CTNND2: variants seen among roughly 807,000 people sequenced by gnomAD.
The protein encoded by CTNND2 is catenin delta-2.
CTNND2 carries 22 observed loss-of-function variants against 144.4 expected under a neutral mutation model. The ratio of observed to expected loss-of-function variants is 0.15; its 90% CI spans 0.11 to 0.22. The LOEUF is 0.22. Among genes scored for constraint, CTNND2 ranks in the 10% least tolerant of loss-of-function variants. CTNND2 has a pLI of 1.00. For missense variants in CTNND2, 1,353 were observed against 1,618.8 expected, an observed-to-expected ratio of 0.84 and a Z score of 2.82; for synonymous variants, 751 against 695.6, an observed-to-expected ratio of 1.08 and a Z score of -1.25.
intron 12 of CTNND2, among the ~76,000 whole-genome samples, chr5:11,157,958 G>A (rs936664593): frequency 2.9e-4 from 44 of 152,098 alleles, no homozygotes; most frequent in African/African-American, 9.9e-4. Context: ...AAGGGGACCC[G>A]TGAGCCTACA....
intron 12 of CTNND2, among the ~76,000 whole-genome samples, chr5:11,139,388 G>T (rs1279418509): frequency 6.6e-6 from 1 of 152,172 alleles, no homozygotes; most frequent in Non-Finnish European, 1.5e-5. Flanking sequence ...ACAGTGGCTG[G>T]ATTTCATTTC....
intron 11 of CTNND2, among the ~76,000 whole-genome samples, chr5:11,181,671 C>G (rs143603861): frequency 0.031 from 4,620 of 148,046 alleles, 244 homozygotes; most frequent in African/African-American, 0.11. Flanking sequence ...GTGTGTGTGT[C>G]TGTGTGTGTG....
chr5:11,053,183 C>A (rs1057198944), intron 16 of CTNND2, among the ~76,000 whole-genome samples: 3 of 152,184 alleles, frequency 2.0e-5, no homozygotes, highest in Non-Finnish European at 4.4e-5. Flanking sequence ...ACTAAAGGTG[C>A]TTTTCTCTTT....
At chr5:11,147,311 C>T (rs950722675) in intron 12 of CTNND2, among the ~76,000 whole-genome samples, 3 of 152,094 alleles carry the variant, frequency 2.0e-5, no homozygotes, top group Non-Finnish European at 4.4e-5. Flanking sequence ...ACGGAATGAA[C>T]GTGTCAAGGA....
chr5:11,317,631 T>C (rs747144748), intron 9 of CTNND2, among the ~76,000 whole-genome samples: 8 of 152,216 alleles, frequency 5.3e-5, no homozygotes, highest in East Asian at 1.9e-4. Context: ...AAAGAGAGTA[T>C]CTTTCAGGGA....
intron 2 of CTNND2, among the ~76,000 whole-genome samples, chr5:11,676,063 G>C (rs958600190): frequency 5.3e-5 from 8 of 151,668 alleles, no homozygotes; most frequent in Non-Finnish European, 1.0e-4. Flanking sequence ...CTCCCAGTAG[G>C]GGCCAACAGA....
chr5:11,739,113 G>T (rs560460454), intron 1 of CTNND2, among the ~76,000 whole-genome samples: 1 of 152,272 alleles, frequency 6.6e-6, no homozygotes, highest in African/African-American at 2.4e-5. Flanking sequence ...GATGGCCAGT[G>T]GGTACACTAT....
chr5:11,381,625 C>CT (rs1758485478), intron 7 of CTNND2, among the ~76,000 whole-genome samples: 1 of 152,208 alleles, frequency 6.6e-6, no homozygotes, highest in Non-Finnish European at 1.5e-5. Context: ...AAGTTACCTT[C>CT]TGTATAAGTA....
intron 9 of CTNND2, among the ~76,000 whole-genome samples, chr5:11,271,454 T>C (rs1746002078): frequency 6.6e-6 from 1 of 152,232 alleles, no homozygotes; most frequent in South Asian, 2.1e-4. Flanking sequence ...TTCATGATTT[T>C]AATTTTATTT....
At chr5:11,372,376 C>T (rs2149783219) in intron 7 of CTNND2, among the ~76,000 whole-genome samples, 1 of 152,252 alleles carries the variant, frequency 6.6e-6, no homozygotes, top group East Asian at 1.9e-4. Flanking sequence ...AACAGGCAGG[C>T]ATCTGGAAAA....
chr5:11,167,761 T>TCATGGCTCA (rs1177155200), intron 11 of CTNND2, among the ~76,000 whole-genome samples: 1 of 151,324 alleles, frequency 6.6e-6, no homozygotes, highest in Admixed American at 6.6e-5. Context: ...AGCGGCGTGA[T>TCATGGCTCA]CATGGCTCAC....
chr5:11,718,690 T>C (rs1786493632), intron 2 of CTNND2, among the ~76,000 whole-genome samples: 1 of 152,122 alleles, frequency 6.6e-6, no homozygotes, highest in African/African-American at 2.4e-5. Flanking sequence ...AAATGTAACA[T>C]GTTGAAGTGT....
At chr5:11,689,015 G>A (rs894081988) in intron 2 of CTNND2, among the ~76,000 whole-genome samples, 1 of 152,178 alleles carries the variant, frequency 6.6e-6, no homozygotes, top group East Asian at 1.9e-4. Flanking sequence ...GAACAGTATC[G>A]ATATCAAAGT....
intron 9 of CTNND2, among the ~76,000 whole-genome samples, chr5:11,322,602 T>G (rs1248685917): frequency 6.6e-6 from 1 of 152,218 alleles, no homozygotes; most frequent in Non-Finnish European, 1.5e-5. Context: ...ATATATATTT[T>G]GAGTGGCTTC....
intron 21 of CTNND2, among the ~76,000 whole-genome samples, chr5:10,977,365 T>C (rs1235837745): frequency 6.6e-6 from 1 of 152,190 alleles, no homozygotes; most frequent in African/African-American, 2.4e-5. Context: ...GTCAGCTAGA[T>C]AGATACCGTT....
rs57148000 is a variant in CTNND2, at chr5:11,789,729, A to G, written c.38-57457T>C. Among the ~76,000 whole-genome samples, 583 of 152,304 alleles carry G rather than the reference A, an allele frequency of 3.8e-3. 4 individuals carry two copies. Among genetic ancestry groups the G allele is most frequent in the African/African-American group, 0.013 (547 of 41,552 alleles). ...TCTTTTTACCCCTGCCATATTTAGAATTGCCTAGTATCTCAAATACAATGT... is the reference window on the plus strand; with the variant it reads ...TCTTTTTACCCCTGCCATATTTAGAGTTGCCTAGTATCTCAAATACAATGT... On this transcript the variant is annotated intron_variant, in intron 1 of 21. Coordinates refer to ENST00000304623, the MANE Select transcript of CTNND2 (RefSeq NM_001332.4).
chr5:11,169,730 T>A (rs1465410934), intron 11 of CTNND2, among the ~76,000 whole-genome samples: 1 of 152,178 alleles, frequency 6.6e-6, no homozygotes, highest in Admixed American at 6.5e-5. Context: ...GATGTCAACA[T>A]AAGCGCGCTA....
rs1479620 is a variant in CTNND2, at chr5:11,462,917, C to T, written c.288-50848G>A. ...GCCTCGGCCTCATGTGGACTTGGCA[C>T]GGATGCCCTCCTGTCCCACATCTGC... On this transcript the variant is annotated intron_variant, in intron 3 of 21. Coordinates refer to ENST00000304623, the MANE Select transcript of CTNND2 (RefSeq NM_001332.4). 9.9e-4 allele frequency among the ~76,000 whole-genome samples: 150 copies of T among 152,118 alleles called. 2 individuals are homozygous for T. Among genetic ancestry groups the T allele is most frequent in the African/African-American group, 3.0e-3 (123 of 41,498 alleles).
At chr5:11,769,167 T>C (rs1319989420) in intron 1 of CTNND2, among the ~76,000 whole-genome samples, 3 of 152,102 alleles carry the variant, frequency 2.0e-5, no homozygotes, top group Non-Finnish European at 4.4e-5. Context: ...CCTGGGTCAC[T>C]TTCGGGACTA....
Sources: allele counts gnomAD v4.1 joint callset (sites outside exome capture counted in the v4.1 genomes callset), GRCh38; gene constraint gnomAD v4.1.1; transcripts MANE v1.5; gene names NCBI Gene and HGNC (gene_info 2026-07-23, HGNC 2026-07-21).